Variants in CNBD1 observed in about 807,000 individuals in gnomAD.
The protein encoded by CNBD1 is cyclic nucleotide binding domain containing 1.
In CNBD1, 71 loss-of-function variants were observed where a neutral mutation model predicts 54.4. That is an observed-to-expected ratio of 1.30 (90% CI 1.08 to 1.59). The LOEUF (loss-of-function observed/expected upper bound fraction) is 1.59, where lower values mean the gene tolerates loss of function less well. Ranked by LOEUF, CNBD1 falls within the 40% of genes most tolerant of loss-of-function variation. The pLI is 0.00. For missense variants in CNBD1, 659 were observed against 518.0 expected (o/e 1.27, Z -2.64); for synonymous variants, 182 against 170.7 (o/e 1.07, Z -0.51).
chr8:87,380,601 C>T (rs1209867750), intron 10 of CNBD1, among the ~76,000 whole-genome samples: 3 of 151,966 alleles, frequency 2.0e-5, no homozygotes, highest in African/African-American at 7.2e-5. Context: ...CTGTAGGTCT[C>T]ATTGGGTAAT....
intron 6 of CNBD1, among the ~76,000 whole-genome samples, chr8:87,251,434 A>G (rs1034375426): frequency 2.6e-5 from 4 of 152,006 alleles, no homozygotes; most frequent in African/African-American, 9.7e-5. Context: ...TAAAAATACA[A>G]AAAATTAGCT....
chr8:86,966,236 C>T (rs1248797791), intron 4 of CNBD1, among the ~76,000 whole-genome samples: 1 of 152,148 alleles, frequency 6.6e-6, no homozygotes, highest in Non-Finnish European at 1.5e-5. Flanking sequence ...CAATCTGCCT[C>T]CAGGGGCCAG....
At chr8:86,991,383 A>ACT (rs1440774835) in intron 4 of CNBD1, among the ~76,000 whole-genome samples, 1 of 150,392 alleles carries the variant, frequency 6.6e-6, no homozygotes, top group East Asian at 2.0e-4. Flanking sequence ...TCTGACACAC[A>ACT]CTCTCTCTGT....
chr8:86,903,772 A>G (rs1431961708), intron 2 of CNBD1, among the ~76,000 whole-genome samples: 1 of 152,078 alleles, frequency 6.6e-6, no homozygotes, highest in Non-Finnish European at 1.5e-5. Flanking sequence ...AGTGTAAAAG[A>G]TCTTAGTACA....
chr8:86,949,135 C>G (rs1400452104), intron 4 of CNBD1, among the ~76,000 whole-genome samples: 1 of 152,052 alleles, frequency 6.6e-6, no homozygotes, highest in African/African-American at 2.4e-5. Context: ...CAGTAACATG[C>G]CATTTTGTTT....
At chr8:86,964,661 A>G (rs113853701) in intron 4 of CNBD1, among the ~76,000 whole-genome samples, 1,899 of 152,304 alleles carry the variant, frequency 0.012, 31 homozygotes, top group African/African-American at 0.036. Flanking sequence ...TTGTAGGAGC[A>G]GGAGTGAGAC....
intron 2 of CNBD1, among the ~76,000 whole-genome samples, chr8:87,398,695 G>A (rs1586078743): frequency 6.6e-6 from 1 of 152,052 alleles, no homozygotes; most frequent in South Asian, 2.1e-4. Context: ...TATATGGTTG[G>A]ATATAATTCC....
At chr8:87,304,057 C>T (rs901941037) in intron 8 of CNBD1, among the ~76,000 whole-genome samples, 1 of 152,108 alleles carries the variant, frequency 6.6e-6, no homozygotes, top group African/African-American at 2.4e-5. Flanking sequence ...ACTAGTTCAA[C>T]CATTGTGGAA....
At chr8:87,324,754 C>G (rs550125560) in intron 8 of CNBD1, among the ~76,000 whole-genome samples, 11 of 148,754 alleles carry the variant, frequency 7.4e-5, no homozygotes, top group Non-Finnish European at 1.0e-4. Context: ...AAAAAACCAG[C>G]TCCTGGATTC....
At chr8:86,967,549 C>T (rs11778879) in intron 4 of CNBD1, among the ~76,000 whole-genome samples, 75,135 of 152,134 alleles carry the variant, frequency 0.49, 20,185 homozygotes, top group East Asian at 0.74. Context: ...TGTCTTCTAT[C>T]TCAGAGATTC....
intron 8 of CNBD1, among the ~76,000 whole-genome samples, chr8:87,323,414 A>G (rs1271849864): frequency 7.2e-6 from 1 of 139,318 alleles, no homozygotes; most frequent in Non-Finnish European, 1.6e-5. Flanking sequence ...CATTTTCACG[A>G]TATTGATTCT....
intron 4 of CNBD1, among the ~76,000 whole-genome samples, chr8:87,063,833 T>C (rs1301245520): frequency 6.6e-6 from 1 of 152,060 alleles, no homozygotes; most frequent in Admixed American, 6.6e-5. Context: ...TTTTGTTGAA[T>C]TATTTCTAGC....
intron 10 of CNBD1, among the ~76,000 whole-genome samples, chr8:87,363,091 G>A (rs1480368148): frequency 2.0e-5 from 3 of 151,916 alleles, no homozygotes; most frequent in East Asian, 1.9e-4. Flanking sequence ...CTTATGAGTG[G>A]GAACATGAAG....
intron 4 of CNBD1, among the ~76,000 whole-genome samples, chr8:86,978,735 G>C (rs572887426): frequency 6.6e-6 from 1 of 151,658 alleles, no homozygotes; most frequent in Non-Finnish European, 1.5e-5. Flanking sequence ...TAGAGATGGG[G>C]TTTCTCCATG....
At chr8:87,351,584 A>G (rs998619017) in intron 8 of CNBD1, 101 bp from the exon 9 acceptor site, 11 of 1,089,046 alleles carry the variant, frequency 1.0e-5, no homozygotes, top group Admixed American at 4.0e-5. Context: ...CTTACTATTA[A>G]TAGTTATTGA....
At chr8:87,408,506 T>C (rs1041660681) in intron 2 of CNBD1, among the ~76,000 whole-genome samples, 2 of 152,132 alleles carry the variant, frequency 1.3e-5, no homozygotes, top group Non-Finnish European at 2.9e-5. Context: ...AATTGAGTCA[T>C]CTTTATGAAC....
In CNBD1 at chr8:86,887,591, C is replaced by T. The variant is rs1808700481; in HGVS notation, c.138C>T (p.Cys46=). Residue 46 remains cysteine, a synonymous_variant, in exon 2 of 11, where the codon TGC becomes TGT. Transcript: ENST00000518476. ...ATTATGGCCAGTTGAATGCATTATG[C>T]CACATTAGAGGACAACACAGGTAAG... ...HINYGQLNAL[C]HIRGQHSRSM... 1.9e-6 allele frequency: 3 copies of T among 1,581,214 alleles called. No homozygotes were observed. Among genetic ancestry groups the T allele is most frequent in the Admixed American group, 1.8e-5 (1 of 55,728 alleles).
At chr8:87,051,147 G>C (rs143594090) in intron 4 of CNBD1, among the ~76,000 whole-genome samples, 3 of 152,296 alleles carry the variant, frequency 2.0e-5, no homozygotes, top group South Asian at 2.1e-4. Context: ...GATAAAAGCA[G>C]GTTCCTCCAA....
chr8:87,010,518 C>T (rs926818768), intron 4 of CNBD1, among the ~76,000 whole-genome samples: 11 of 152,048 alleles, frequency 7.2e-5, no homozygotes, highest in Admixed American at 3.3e-4. Flanking sequence ...GGATTCCAGG[C>T]GGGTGGATCA....
Sources: gnomAD v4.1 joint callset for allele counts (sites outside exome capture counted in the v4.1 genomes callset) on GRCh38, gnomAD v4.1.1 for gene constraint, MANE v1.5 for transcripts, NCBI Gene and HGNC (gene_info 2026-07-23, HGNC 2026-07-21) for gene names.